GPANK1: variants seen among roughly 807,000 people sequenced by gnomAD.
The protein encoded by GPANK1 is G-patch domain and ankyrin repeats 1, also known as G patch domain and ankyrin repeat-containing protein 1.
In GPANK1, 22 loss-of-function variants were observed where a neutral mutation model predicts 24.0. The observed-to-expected ratio is 0.92, with a 90% confidence interval of 0.66 to 1.31. The LOEUF (loss-of-function observed/expected upper bound fraction) is 1.31, where lower values mean the gene tolerates loss of function less well. Among genes scored for constraint, GPANK1 ranks in the 50% most tolerant of loss-of-function variants. The pLI, the probability that GPANK1 is intolerant of heterozygous loss-of-function variation, is 0.00. For missense variants in GPANK1, 469 were observed against 453.5 expected (o/e 1.03, Z -0.31); for synonymous variants, 174 against 177.4 (o/e 0.98, Z 0.15).
rs748845479 is a variant in GPANK1 at position 31,662,652 on chromosome 6, T to C, written c.685A>G (p.Asn229Asp). 3 of 1,611,644 alleles carry C rather than the reference T, an allele frequency of 1.9e-6. No homozygotes were observed. The highest frequency in any genetic ancestry group is 2.7e-5 in the African/African-American group (2 of 74,768). Residue 229 changes from asparagine (N) to aspartate (D), a missense_variant, in exon 3 of 3, where the codon AAC (asparagine) becomes GAC (aspartate). Physicochemically the swap from Asn to Asp is conservative, Grantham distance 23. Transcript: ENST00000375896. This position sits in a 1 kb window ranked among gnomAD's most constrained non-coding sequence, Gnocchi z 5.5. ...AGGTGAGCAGTGGATGTGCGGTGGT[T>C]GGAATCTTGGAAGTGGGTGTCACAG... is the stretch of plus-strand genomic sequence containing the variant. ...ENCDTHFQDS[N>D]HRTSTAHLLS... is the part of the protein sequence containing the mutation.
rs1801373722 is a variant in GPANK1 at position 31,664,521 on chromosome 6, G to T, written c.-43C>A. The T allele has an allele frequency of 6.7e-7, 1 of 1,502,852 alleles. No individual in the cohort carries two copies. The highest frequency in any genetic ancestry group is 9.1e-7 in the Non-Finnish European group (1 of 1,095,702). The allele number at this position is 1,502,852 out of a possible 1,614,324, so 93.1% of individuals were successfully genotyped here. Reference sequence around the variant, plus strand: ...AGAAAATGATACCAGGCAAGGGAAGGATGAGACAAGTAAGCCAAGCTCGTG... The same window carrying T: ...AGAAAATGATACCAGGCAAGGGAAGTATGAGACAAGTAAGCCAAGCTCGTG... On this transcript the variant is annotated 5_prime_UTR_variant, in exon 2 of 3. Transcript: ENST00000375896.
chr6:31,665,714 G>A, upstream of GPANK1: 1 of 826,422 alleles, frequency 1.2e-6, no homozygotes, highest in Non-Finnish European at 1.8e-6. Context: ...CTGGGCAGCA[G>A]CGCCGCGCCG....
chr6:31,665,670 G>A (rs1801581289), upstream of GPANK1: 1 of 830,320 alleles, frequency 1.2e-6, no homozygotes, highest in Non-Finnish European at 1.9e-6. Flanking sequence ...AGGCAATAAG[G>A]ACCCAGCGGA....
rs572251180 is a variant in GPANK1, at chr6:31,662,124, G to A, written c.*142C>T. 2.4e-5 allele frequency: 12 copies of A among 504,940 alleles called. No individual in the cohort carries two copies. Among genetic ancestry groups the A allele is most frequent in the Admixed American group, 6.9e-5 (2 of 29,088 alleles). 31.3% of individuals were successfully genotyped at this position (504,940 alleles called of 1,614,324 possible). A position where few individuals can be genotyped will look rare whatever the true frequency, so the allele number is the denominator to read the frequency against. On this transcript the variant is annotated 3_prime_UTR_variant, in exon 3 of 3. Transcript: ENST00000375896. This position sits in a 1 kb window ranked among gnomAD's most constrained non-coding sequence, Gnocchi z 5.5. ...TTGATTTATTTCTGACTCTCAGCCC[G>A]TCTCTCACGAAGACAGAGCCTATTG...
At position 31,661,662 on chromosome 6, in the gene GPANK1, T is replaced by G. The variant is rs550167715; in HGVS notation, c.*604A>C. 26 of 161,876 alleles carry G rather than the reference T, an allele frequency of 1.6e-4. No homozygotes were observed. The highest frequency in any genetic ancestry group is 3.1e-4 in the Non-Finnish European group (23 of 73,738). 10.0% of individuals were successfully genotyped at this position (161,876 alleles called of 1,614,324 possible). On this transcript the variant is annotated 3_prime_UTR_variant, in exon 3 of 3. Coordinates refer to ENST00000375896, the MANE Select transcript of GPANK1 (RefSeq NM_033177.4). ...TTGTGGTGAGCCGAGATCATGCCAT[T>G]GCACTCCAGCCTGGGCAATGAGAGC...
At position 31,662,329 on chromosome 6, in the gene GPANK1, C is replaced by T; in HGVS notation, c.1008G>A (p.Arg336=). ...VATLSWREER[R]REEKDRAWER... is the part of the protein sequence containing the mutation. ...CCCAAGCCCTGTCTTTCTCCTCCCTCCTTCTCTCCTCCCTCCAGCTCAGTG... is the reference window on the plus strand; with the variant it reads ...CCCAAGCCCTGTCTTTCTCCTCCCTTCTTCTCTCCTCCCTCCAGCTCAGTG... The change falls in exon 3 of 3, where the codon AGG becomes AGA. Residue 336 remains arginine, a synonymous_variant. Coordinates refer to ENST00000375896, the MANE Select transcript of GPANK1 (RefSeq NM_033177.4). This position sits in a 1 kb window ranked among gnomAD's most constrained non-coding sequence, Gnocchi z 5.5. 6.2e-7 allele frequency: 1 copy of T among 1,601,556 alleles called. No individual in the cohort carries two copies. Among genetic ancestry groups the T allele is most frequent in the Non-Finnish European group, 8.5e-7 (1 of 1,172,910 alleles).
At chr6:31,665,460 A>C, upstream of GPANK1, 2 of 1,569,980 alleles carry the variant, frequency 1.3e-6, no homozygotes, top group Non-Finnish European at 1.7e-6. Flanking sequence ...GGAGAAGTGC[A>C]AAGGGACGAG....
chr6:31,665,258 C>T, upstream of GPANK1: 1 of 620,116 alleles, frequency 1.6e-6, no homozygotes, highest in Admixed American at 2.5e-5. Context: ...CTTCGCCTTC[C>T]TCAACGTGGC....
At chr6:31,665,768 C>A, upstream of GPANK1, 1 of 1,003,992 alleles carries the variant, frequency 1.0e-6, no homozygotes, top group Non-Finnish European at 1.4e-6. Flanking sequence ...AGAGATCCAG[C>A]CTGGCTCCCT....
upstream of GPANK1, chr6:31,665,347 C>G: frequency 8.7e-7 from 1 of 1,145,984 alleles, no homozygotes; most frequent in Non-Finnish European, 1.3e-6. Context: ...GGAGGGAAAC[C>G]TGTGGAATGC....
rs1343428234 is a variant in GPANK1 at position 31,662,355 on chromosome 6, T to G, written c.982A>C (p.Thr328Pro). 6.2e-7 allele frequency: 1 copy of G among 1,611,908 alleles called. No individual in the cohort carries two copies. Among genetic ancestry groups the G allele is most frequent in the Admixed American group, 1.7e-5 (1 of 59,876 alleles). The stretch of plus-strand genomic sequence containing the variant: ...CTTCTCTCCTCCCTCCAGCTCAGTG[T>G]GGCCACCCGAGGGGGTCTCTCCCTC... Reference protein sequence around the residue: ...AGRERPPRVATLSWREERRRE... With the variant: ...AGRERPPRVAPLSWREERRRE... The change falls in exon 3 of 3, where the codon ACA (threonine) becomes CCA (proline). Residue 328 changes from threonine to proline, a missense_variant. By Grantham distance (38) the Thr-to-Pro change is conservative (BLOSUM62 -1). Transcript: ENST00000375896. The surrounding 1 kb of genome is among the most constrained non-coding windows in gnomAD (Gnocchi z 5.5).
In GPANK1 at chr6:31,664,167, CATCTT is replaced by C; in HGVS notation, c.307_311del (p.Lys103AspfsTer17). ...GGGCTGCCCTCAGTATCCGGTGAGT[CATCTT>C]ATCCTCAGCCTCAAGGGATCTCCCT... On this transcript the variant is annotated frameshift_variant, in exon 2 of 3. Coordinates refer to ENST00000375896, the MANE Select transcript of GPANK1 (RefSeq NM_033177.4). LOFTEE classifies it high-confidence loss of function. 2 of 1,614,266 alleles carry C rather than the reference CATCTT, an allele frequency of 1.2e-6. No individual in the cohort carries two copies. Among genetic ancestry groups the C allele is most frequent in the Non-Finnish European group, 1.7e-6 (2 of 1,180,050 alleles).
chr6:31,662,302 C>T lies in GPANK1; in HGVS notation c.1035G>A (p.Glu345=), dbSNP rs1440394987. 2 of 1,574,312 alleles carry T rather than the reference C, an allele frequency of 1.3e-6. No homozygotes were observed. Among genetic ancestry groups the T allele is most frequent in the East Asian group, 2.3e-5 (1 of 44,354 alleles). The change falls in exon 3 of 3, where the codon GAG becomes GAA. Residue 345 remains glutamate, a synonymous_variant. Transcript: ENST00000375896. This position sits in a 1 kb window ranked among gnomAD's most constrained non-coding sequence, Gnocchi z 5.5. ...RRREEKDRAW[E]RDLRTYMNLE... ...GGTTCATGTAAGTCCTTAGATCCCG[C>T]TCCCAAGCCCTGTCTTTCTCCTCCC... is the stretch of plus-strand genomic sequence containing the variant.
At chr6:31,663,781 G>A in intron 2 of GPANK1, 72 bp downstream of exon 2, 3 of 1,517,276 alleles carry the variant, frequency 2.0e-6, no homozygotes, top group Non-Finnish European at 2.6e-6. Flanking sequence ...CTGTGCTGGG[G>A]CGTCTGGTGT....
chr6:31,666,139 A>G (rs889024432), upstream of GPANK1: 9 of 992,528 alleles, frequency 9.1e-6, no homozygotes, highest in Non-Finnish European at 1.1e-5. Context: ...CCTGCGCTGT[A>G]GCGGTCGCCG....
rs762780265 is a variant in GPANK1 at position 31,664,149 on chromosome 6, C to T, written c.330G>A (p.Arg110=). The change falls in exon 2 of 3, where the codon AGG becomes AGA. Residue 110 remains arginine, a synonymous_variant. Coordinates refer to ENST00000375896, the MANE Select transcript of GPANK1 (RefSeq NM_033177.4). The stretch of plus-strand genomic sequence containing the variant: ...CTGGCAGGTCCCCCTCCTGGGCTGC[C>T]CTCAGTATCCGGTGAGTCATCTTAT... ...AEDKMTHRIL[R]AAQEGDLPEL... 2 of 1,614,262 alleles carry T rather than the reference C, an allele frequency of 1.2e-6. No homozygotes were observed. The highest frequency in any genetic ancestry group is 1.7e-6 in the Non-Finnish European group (2 of 1,180,052).
rs766774365 is a variant in GPANK1 at position 31,662,495 on chromosome 6, C to T, written c.842G>A (p.Arg281His). The change falls in exon 3 of 3, where the codon CGT becomes CAT. Residue 281 changes from arginine (R) to histidine (H), a missense_variant. By Grantham distance (29) the Arg-to-His change is conservative. Transcript: ENST00000375896. The surrounding 1 kb of genome is among the most constrained non-coding windows in gnomAD (Gnocchi z 5.5). ...GMGLGPRGEG[R>H]ANPIPTVLKR... Reference sequence around the variant, plus strand: ...GAGGACAGTGGGGATGGGATTGGCACGGCCCTCACCCCGGGGTCCCAGCCC... The same window carrying T: ...GAGGACAGTGGGGATGGGATTGGCATGGCCCTCACCCCGGGGTCCCAGCCC... 45 of 1,611,686 alleles carry T rather than the reference C, an allele frequency of 2.8e-5. No homozygotes were observed. The highest frequency in any genetic ancestry group is 2.5e-4 in the South Asian group (23 of 90,910).
In GPANK1 at chr6:31,662,209, A is replaced by C. The variant is rs1800947612; in HGVS notation, c.*57T>G. ...CCAGGAAGGGGAAGTCAAAGGGCCC[A>C]GGTCAGAGGCCCAAGTTCAGACTTC... is the stretch of plus-strand genomic sequence containing the variant. On this transcript the variant is annotated 3_prime_UTR_variant, in exon 3 of 3. Transcript: ENST00000375896. This position sits in a 1 kb window ranked among gnomAD's most constrained non-coding sequence, Gnocchi z 5.5. 1.6e-6 allele frequency: 2 copies of C among 1,217,672 alleles called. No individual in the cohort carries two copies. Among genetic ancestry groups the C allele is most frequent in the Admixed American group, 2.4e-5 (1 of 41,652 alleles). 75.4% of individuals were successfully genotyped at this position (1,217,672 alleles called of 1,614,324 possible).
upstream of GPANK1, chr6:31,665,777 C>T (rs2151177977): frequency 9.3e-7 from 1 of 1,076,002 alleles, no homozygotes; most frequent in Admixed American, 3.0e-5. Context: ...GCCTGGCTCC[C>T]TCCTTTCCCC....
Sources: allele counts gnomAD v4.1 joint callset, GRCh38; gene constraint gnomAD v4.1.1; non-coding constraint Gnocchi (gnomAD v3.1); transcripts MANE v1.5; gene names NCBI Gene and HGNC (gene_info 2026-07-23, HGNC 2026-07-21).